Variants in CDK19 observed in about 807,000 individuals in gnomAD.
CDK19 encodes the protein cyclin-dependent kinase 19.
In CDK19, 20 loss-of-function variants were observed where a neutral mutation model predicts 68.3. The observed-to-expected ratio is 0.29, with a 90% CI of 0.21 to 0.43. CDK19 has a LOEUF of 0.43. CDK19 is among the 20% of genes least tolerant of loss of function. The pLI, the probability that CDK19 is intolerant of heterozygous loss-of-function variation, is 1.00. For missense variants in CDK19, 339 were observed against 623.5 expected (o/e 0.54, Z 4.86); for synonymous variants, 221 against 222.8 (o/e 0.99, Z 0.07).
chr6:110,622,880 C>G lies in CDK19; in HGVS notation c.966G>C (p.Lys322Asn). The G allele has an allele frequency of 6.2e-7, 1 of 1,613,644 alleles. No homozygotes were observed. The highest frequency in any genetic ancestry group is 8.5e-7 in the Non-Finnish European group (1 of 1,179,562). The stretch of plus-strand genomic sequence containing the variant: ...GCAGAGCTTGCTCCGAGGTAATTCT[C>G]TTGGTTGGATCCATGGTCAGGAGTT... ...LQKLLTMDPTKRITSEQALQD... is the reference protein window; with the variant it reads ...LQKLLTMDPTNRITSEQALQD... Residue 322 changes from lysine to asparagine, a missense_variant, in exon 10 of 13, where the codon AAG becomes AAC. Lys to Asn is a moderately conservative substitution (Grantham distance 94, BLOSUM62 0). Transcript: ENST00000368911.
chr6:110,719,972 G>GCTCCCCCCCCCCCCCCCCCCC (rs1554211507), intron 2 of CDK19, among the ~76,000 whole-genome samples: 48 of 45,552 alleles, frequency 1.1e-3, no homozygotes, highest in Non-Finnish European at 1.3e-3. Context: ...CTTGTGATCC[G>GCTCCCCCCCCCCCCCCCCCCC]CCCCCCCCCC....
At chr6:110,763,853 C>T (rs1352407658) in intron 1 of CDK19, among the ~76,000 whole-genome samples, 1 of 151,992 alleles carries the variant, frequency 6.6e-6, no homozygotes, top group Non-Finnish European at 1.5e-5. Flanking sequence ...CGAAGAAAAT[C>T]CCAAAGAATC....
Position 110,632,171 on chromosome 6 carries a change from T to A in CDK19, c.515-10A>T. 1 of 1,575,894 alleles carries A rather than the reference T, an allele frequency of 6.3e-7. No individual in the cohort carries two copies. The highest frequency in any genetic ancestry group is 1.4e-5 in the African/African-American group (1 of 72,516). Reference sequence around the variant, plus strand: ...GCAAAACCCATGTCAGCTAAAAAAATAAAATAAATTAACATAAAATTCAGT... The same window carrying A: ...GCAAAACCCATGTCAGCTAAAAAAAAAAAATAAATTAACATAAAATTCAGT... On this transcript the variant is annotated splice_polypyrimidine_tract_variant and intron_variant, in intron 5 of 12. Transcript: ENST00000368911.
intron 4 of CDK19, chr6:110,643,136 A>T: frequency 8.1e-7 from 1 of 1,235,110 alleles, no homozygotes; most frequent in South Asian, 1.3e-5. Flanking sequence ...ACTAAAGGAA[A>T]CCTAGATGCT....
intron 2 of CDK19, 148 bp downstream of exon 2, chr6:110,745,978 G>A: frequency 2.3e-6 from 1 of 439,578 alleles, no homozygotes; most frequent in Non-Finnish European, 3.9e-6. Flanking sequence ...AAAAGTTTAT[G>A]CAGATTTTCT....
intron 4 of CDK19, chr6:110,646,335 G>C: frequency 6.8e-7 from 1 of 1,471,082 alleles, no homozygotes; most frequent in South Asian, 1.3e-5. Flanking sequence ...GGCCCACGAC[G>C]GCATGCACTT....
At chr6:110,656,509 T>C (rs1173188906) in intron 4 of CDK19, among the ~76,000 whole-genome samples, 3 of 152,254 alleles carry the variant, frequency 2.0e-5, no homozygotes, top group Admixed American at 6.5e-5. Flanking sequence ...TTTGAAATTA[T>C]GTATTTACAA....
chr6:110,752,933 G>GT (rs2114912687), intron 1 of CDK19, among the ~76,000 whole-genome samples: 1 of 151,900 alleles, frequency 6.6e-6, no homozygotes, highest in East Asian at 1.9e-4. Context: ...TTTTTTATTT[G>GT]TTTGTTTGTT....
At chr6:110,811,273 C>T (rs1305516046) in intron 1 of CDK19, among the ~76,000 whole-genome samples, 2 of 152,262 alleles carry the variant, frequency 1.3e-5, no homozygotes, top group South Asian at 2.1e-4. Context: ...TACTATTGTA[C>T]CTATTAGCTA....
At chr6:110,696,111 C>T (rs1395325434) in intron 2 of CDK19, among the ~76,000 whole-genome samples, 1 of 152,160 alleles carries the variant, frequency 6.6e-6, no homozygotes, top group Admixed American at 6.5e-5. Flanking sequence ...AAAATACTAG[C>T]TAACCAAATC....
chr6:110,735,038 T>C (rs939881658), intron 2 of CDK19, among the ~76,000 whole-genome samples: 1 of 152,032 alleles, frequency 6.6e-6, no homozygotes, highest in Non-Finnish European at 1.5e-5. Flanking sequence ...AAATCACACA[T>C]GGTTATGGAA....
At chr6:110,788,620 T>C (rs1327694161) in intron 1 of CDK19, among the ~76,000 whole-genome samples, 1 of 152,198 alleles carries the variant, frequency 6.6e-6, no homozygotes, top group East Asian at 1.9e-4. Context: ...ATGCCTCTCT[T>C]ATAGCAATCC....
intron 2 of CDK19, among the ~76,000 whole-genome samples, chr6:110,682,903 C>T (rs530313647): frequency 5.3e-4 from 81 of 152,160 alleles, no homozygotes; most frequent in Non-Finnish European, 1.0e-3. Flanking sequence ...GGGCCAGGCA[C>T]GGTGGCTCAC....
chr6:110,736,283 G>A (rs1412333487), intron 2 of CDK19, among the ~76,000 whole-genome samples: 2 of 152,202 alleles, frequency 1.3e-5, no homozygotes, highest in Non-Finnish European at 2.9e-5. Context: ...AGAGGTTGAG[G>A]TGAGCCGAGA....
At chr6:110,804,588 C>T (rs1212410178) in intron 1 of CDK19, among the ~76,000 whole-genome samples, 2 of 150,940 alleles carry the variant, frequency 1.3e-5, no homozygotes, top group Admixed American at 6.6e-5. Flanking sequence ...CCTCGTGATC[C>T]GCCCACCTCG....
chr6:110,689,086 T>A (rs1772756062), intron 2 of CDK19, among the ~76,000 whole-genome samples: 1 of 152,126 alleles, frequency 6.6e-6, no homozygotes, highest in South Asian at 2.1e-4. Context: ...GTGTCAGATC[T>A]GCCTTGCCAA....
At chr6:110,664,835 A>G (rs1781825633) in intron 4 of CDK19, among the ~76,000 whole-genome samples, 1 of 152,222 alleles carries the variant, frequency 6.6e-6, no homozygotes, top group South Asian at 2.1e-4. Flanking sequence ...CATGGATATG[A>G]GGGTAAGTTT....
chr6:110,670,219 T>A (rs555398919), intron 3 of CDK19, among the ~76,000 whole-genome samples: 1 of 143,430 alleles, frequency 7.0e-6, no homozygotes, highest in African/African-American at 3.0e-5. Context: ...CTTTCTGAAG[T>A]AAAATTTCTA....
intron 1 of CDK19, among the ~76,000 whole-genome samples, chr6:110,747,660 T>A (rs1778170531): frequency 1.3e-5 from 2 of 152,194 alleles, no homozygotes; most frequent in African/African-American, 4.8e-5. Flanking sequence ...AAAGCCAAAA[T>A]AAATTGATAC....
Sources: allele counts gnomAD v4.1 joint callset (sites outside exome capture counted in the v4.1 genomes callset), GRCh38; gene constraint gnomAD v4.1.1; transcripts MANE v1.5; gene names NCBI Gene and HGNC (gene_info 2026-07-23, HGNC 2026-07-21).